NEGR1: variants seen among roughly 807,000 people sequenced by gnomAD.
The protein encoded by NEGR1 is IgLON family member 4.
A neutral mutation model predicts 40.9 loss-of-function variants in NEGR1; 10 were observed. That is an observed-to-expected ratio of 0.24 (90% CI 0.15 to 0.42). The LOEUF is 0.42. NEGR1 is among the 10% of genes least tolerant of loss of function. The pLI, the probability that NEGR1 is intolerant of heterozygous loss-of-function variation, is 1.00. For missense variants in NEGR1, 352 were observed against 438.9 expected (o/e 0.80, Z 1.77); for synonymous variants, 185 against 166.8 (o/e 1.11, Z -0.84).
chr1:72,086,205 C>T (rs1034447459), intron 1 of NEGR1, among the ~76,000 whole-genome samples: 8 of 152,098 alleles, frequency 5.3e-5, no homozygotes, highest in Non-Finnish European at 1.0e-4. Context: ...GTTAGTGACA[C>T]TAATCATGAC....
chr1:71,974,426 G>T (rs1210627141), intron 1 of NEGR1, among the ~76,000 whole-genome samples: 5 of 151,930 alleles, frequency 3.3e-5, no homozygotes, highest in Non-Finnish European at 5.9e-5. Context: ...TATTAAATTT[G>T]TTTTTTCTTT....
chr1:71,494,096 G>A (rs987681145), intron 6 of NEGR1, among the ~76,000 whole-genome samples: 1 of 152,156 alleles, frequency 6.6e-6, no homozygotes, highest in Non-Finnish European at 1.5e-5. Context: ...TTCAGCTACT[G>A]GGAGGTGACC....
chr1:71,671,689 A>C (rs1309159711), intron 4 of NEGR1, among the ~76,000 whole-genome samples: 1 of 152,034 alleles, frequency 6.6e-6, no homozygotes, highest in African/African-American at 2.4e-5. Context: ...TTGTCTGATA[A>C]ATACCATGGC....
chr1:71,597,432 G>GTCTCTCTCTC (rs1158039041), intron 5 of NEGR1, among the ~76,000 whole-genome samples: 27 of 60,742 alleles, frequency 4.4e-4, no homozygotes, highest in African/African-American at 8.5e-4. Context: ...ATATATATAT[G>GTCTCTCTCTC]TCTCTCTCTC....
intron 1 of NEGR1, among the ~76,000 whole-genome samples, chr1:72,203,633 C>T (rs1388935357): frequency 2.0e-5 from 3 of 152,044 alleles, no homozygotes; most frequent in Non-Finnish European, 4.4e-5. Context: ...AAAATGACTC[C>T]AATGGTGAAG....
At chr1:71,667,121 G>A (rs971655234) in intron 4 of NEGR1, among the ~76,000 whole-genome samples, 81 of 152,158 alleles carry the variant, frequency 5.3e-4, no homozygotes, top group Admixed American at 5.2e-3. Flanking sequence ...CATGTTACAC[G>A]TGCCCTAACA....
intron 2 of NEGR1, among the ~76,000 whole-genome samples, chr1:71,865,758 G>A (rs1660093335): frequency 6.6e-6 from 1 of 152,116 alleles, no homozygotes; most frequent in Non-Finnish European, 1.5e-5. Flanking sequence ...TTAAAAAAGA[G>A]TAGAATGCCA....
chr1:71,617,835 T>C (rs187052727), intron 4 of NEGR1, among the ~76,000 whole-genome samples: 1 of 152,330 alleles, frequency 6.6e-6, no homozygotes, highest in East Asian at 1.9e-4. Flanking sequence ...GATGGCTTTC[T>C]AAAGGTGGAT....
intron 1 of NEGR1, among the ~76,000 whole-genome samples, chr1:71,953,087 AC>A (rs1646086677): frequency 6.6e-6 from 1 of 151,896 alleles, no homozygotes; most frequent in Admixed American, 6.6e-5. Context: ...GTAACACAAC[AC>A]CCATAACATC....
intron 1 of NEGR1, among the ~76,000 whole-genome samples, chr1:72,235,208 A>T (rs1462753205): frequency 6.6e-6 from 1 of 152,152 alleles, no homozygotes; most frequent in Non-Finnish European, 1.5e-5. Context: ...GAAGATTGTG[A>T]GTTAACGTGC....
At chr1:71,833,652 A>G (rs1215031902) in intron 2 of NEGR1, among the ~76,000 whole-genome samples, 7 of 152,098 alleles carry the variant, frequency 4.6e-5, no homozygotes, top group Non-Finnish European at 1.0e-4. Flanking sequence ...TCAGTCTTTC[A>G]GCACTTGACT....
chr1:72,069,159 C>G (rs879263185), intron 1 of NEGR1, among the ~76,000 whole-genome samples: 1 of 151,946 alleles, frequency 6.6e-6, no homozygotes, highest in African/African-American at 2.4e-5. Context: ...TGTGTAATCC[C>G]AGCACTTTGG....
At chr1:72,045,090 A>G (rs1350816807) in intron 1 of NEGR1, among the ~76,000 whole-genome samples, 2 of 151,748 alleles carry the variant, frequency 1.3e-5, no homozygotes, top group Non-Finnish European at 2.9e-5. Context: ...TTGTCTATAT[A>G]ATTTTGACCT....
At chr1:72,192,949 A>G (rs1652870235) in intron 1 of NEGR1, among the ~76,000 whole-genome samples, 1 of 151,768 alleles carries the variant, frequency 6.6e-6, no homozygotes, top group African/African-American at 2.4e-5. Flanking sequence ...CAGTACACCA[A>G]TAATATTTAA....
intron 2 of NEGR1, among the ~76,000 whole-genome samples, chr1:71,922,884 T>A (rs1645733536): frequency 6.6e-6 from 1 of 152,158 alleles, no homozygotes; most frequent in Non-Finnish European, 1.5e-5. Context: ...GTTGACCAAG[T>A]TCATATGCTT....
chr1:72,028,313 G>A (rs572087225), intron 1 of NEGR1, among the ~76,000 whole-genome samples: 2 of 151,982 alleles, frequency 1.3e-5, no homozygotes, highest in Admixed American at 6.6e-5. Context: ...ACCTCTATAC[G>A]TACCTTATTT....
chr1:72,195,964 G>A (rs1248427841), intron 1 of NEGR1, among the ~76,000 whole-genome samples: 3 of 151,978 alleles, frequency 2.0e-5, no homozygotes, highest in African/African-American at 7.2e-5. Context: ...AGGTAAATTA[G>A]TGCCTTCCTC....
intron 4 of NEGR1, among the ~76,000 whole-genome samples, chr1:71,612,804 A>G (rs1650305259): frequency 6.6e-6 from 1 of 152,202 alleles, no homozygotes; most frequent in Non-Finnish European, 1.5e-5. Context: ...AGCTTGCAGT[A>G]AGACACTGAG....
intron 6 of NEGR1, among the ~76,000 whole-genome samples, chr1:71,556,871 A>G (rs550534644): frequency 4.2e-4 from 64 of 151,746 alleles, no homozygotes; most frequent in Admixed American, 7.9e-4. Context: ...AAATGGGCCT[A>G]ACAAGAAGGG....
Sources: allele counts gnomAD v4.1 joint callset (sites outside exome capture counted in the v4.1 genomes callset), GRCh38; gene constraint gnomAD v4.1.1; transcripts MANE v1.5; gene names NCBI Gene and HGNC (gene_info 2026-07-23, HGNC 2026-07-21).